The following MSR1 variants were observed in gnomAD, a reference collection of about 807,000 sequenced individuals.
The protein encoded by MSR1 is macrophage scavenger receptor types I and II.
A neutral mutation model predicts 47.2 loss-of-function variants in MSR1; 53 were observed. The observed-to-expected ratio is 1.12, with a 90% CI of 0.90 to 1.41. The LOEUF is 1.41. Among genes scored for constraint, MSR1 ranks in the 40% most tolerant of loss-of-function variants. MSR1 has a pLI of 0.00. For synonymous variants in MSR1, 239 were observed against 185.6 expected, an observed-to-expected ratio of 1.29 and a Z score of -2.34; for missense variants, 786 against 546.9, an observed-to-expected ratio of 1.44 and a Z score of -4.36.
intron 9 of MSR1, among the ~76,000 whole-genome samples, chr8:16,116,701 A>G (rs1043238876): frequency 1.3e-5 from 2 of 152,152 alleles, no homozygotes; most frequent in African/African-American, 4.8e-5. Flanking sequence ...AGCAGGAATG[A>G]ATAAAAGTTT....
intron 5 of MSR1, among the ~76,000 whole-genome samples, chr8:16,155,433 G>A (rs1396033703): frequency 6.6e-6 from 1 of 151,994 alleles, no homozygotes; most frequent in Non-Finnish European, 1.5e-5. Context: ...GCAGAGAAAA[G>A]ACAGCAGGCT....
At chr8:16,179,375 G>C (rs1370221897) in intron 1 of MSR1, among the ~76,000 whole-genome samples, 1 of 152,124 alleles carries the variant, frequency 6.6e-6, no homozygotes, top group Non-Finnish European at 1.5e-5. Flanking sequence ...AAATCCATTA[G>C]AGAACATAGT....
chr8:16,121,845 ACTT>A (rs1212158889), intron 8 of MSR1, among the ~76,000 whole-genome samples: 8 of 151,438 alleles, frequency 5.3e-5, no homozygotes, highest in African/African-American at 2.0e-4. Flanking sequence ...ATATTCAGTA[ACTT>A]CTTTTTCTCC....
chr8:16,157,028 G>A (rs949809130), intron 5 of MSR1, among the ~76,000 whole-genome samples: 1 of 151,958 alleles, frequency 6.6e-6, no homozygotes, highest in African/African-American at 2.4e-5. Context: ...CCTGAATTTT[G>A]TTGAGCTAAT....
At chr8:16,116,527 C>A (rs1302475875) in intron 9 of MSR1, among the ~76,000 whole-genome samples, 1 of 152,098 alleles carries the variant, frequency 6.6e-6, no homozygotes, top group African/African-American at 2.4e-5. Context: ...AGAGACTTAT[C>A]TCCACATAGC....
At chr8:16,130,928 G>A (rs1452730870) in intron 8 of MSR1, among the ~76,000 whole-genome samples, 2 of 152,072 alleles carry the variant, frequency 1.3e-5, no homozygotes, top group African/African-American at 4.8e-5. Context: ...TGTGAATAGT[G>A]CTGTGATGAA....
At chr8:16,126,960 A>G (rs1800143135) in intron 8 of MSR1, among the ~76,000 whole-genome samples, 1 of 152,180 alleles carries the variant, frequency 6.6e-6, no homozygotes, top group Non-Finnish European at 1.5e-5. Context: ...AGGTATATAA[A>G]GTGCTTTTCA....
intron 1 of MSR1, among the ~76,000 whole-genome samples, chr8:16,191,654 C>A (rs923869559): frequency 1.3e-5 from 2 of 152,086 alleles, no homozygotes; most frequent in African/African-American, 4.8e-5. Flanking sequence ...AACTAGGGAG[C>A]AGGGGAGCTG....
At chr8:16,159,060 C>A (rs1440693640) in intron 5 of MSR1, among the ~76,000 whole-genome samples, 1 of 151,116 alleles carries the variant, frequency 6.6e-6, no homozygotes, top group Non-Finnish European at 1.5e-5. Context: ...TCTCAGCCTC[C>A]CAAAGCGCTG....
intron 7 of MSR1, among the ~76,000 whole-genome samples, chr8:16,146,573 A>G (rs1800704957): frequency 6.6e-6 from 1 of 152,080 alleles, no homozygotes; most frequent in South Asian, 2.1e-4. Context: ...CCACAGCAGC[A>G]GGTGCAAAGG....
intron 8 of MSR1, among the ~76,000 whole-genome samples, chr8:16,129,126 T>C (rs1373227891): frequency 1.3e-5 from 2 of 152,168 alleles, no homozygotes; most frequent in Non-Finnish European, 2.9e-5. Context: ...AAACTGAATA[T>C]TTGTATGCAG....
rs183418179 is a variant in MSR1 at position 16,160,930 on chromosome 8, G to A, written c.817+3135C>T. On this transcript the variant is annotated intron_variant, in intron 5 of 9. Coordinates refer to ENST00000262101, the MANE Select transcript of MSR1 (RefSeq NM_138715.3). ...GTTTAGATTTTATCCCAAGACTAATGAGAAGACATTGGAGGATTTAAGCAA... is the reference window on the plus strand; with the variant it reads ...GTTTAGATTTTATCCCAAGACTAATAAGAAGACATTGGAGGATTTAAGCAA... Among the ~76,000 whole-genome samples the A allele has an allele frequency of 2.3e-3, 349 of 151,738 alleles. 2 individuals are homozygous for A. The highest frequency in any genetic ancestry group is 7.5e-3 in the African/African-American group (311 of 41,442).
intron 5 of MSR1, among the ~76,000 whole-genome samples, chr8:16,160,699 C>T (rs896623833): frequency 2.0e-5 from 3 of 151,856 alleles, no homozygotes; most frequent in Non-Finnish European, 4.4e-5. Context: ...GGAGTAGAGA[C>T]GTAGAGAAGA....
intron 8 of MSR1, among the ~76,000 whole-genome samples, chr8:16,132,277 T>G (rs1009551454): frequency 1.1e-4 from 17 of 152,094 alleles, no homozygotes; most frequent in Admixed American, 9.8e-4. Flanking sequence ...ATTCCTGATT[T>G]GGCTCTCAGC....
chr8:16,123,401 G>C (rs12114885), intron 8 of MSR1, among the ~76,000 whole-genome samples: 15,850 of 152,082 alleles, frequency 0.1, 1,269 homozygotes, highest in East Asian at 0.23. Context: ...TTGATCATAG[G>C]ATTTTCTCTG....
intron 1 of MSR1, among the ~76,000 whole-genome samples, chr8:16,181,967 T>G (rs1233744105): frequency 6.6e-6 from 1 of 152,186 alleles, no homozygotes; most frequent in South Asian, 2.1e-4. Context: ...AGATACGTTC[T>G]GAGAAATGCA....
At position 16,150,262 on chromosome 8, in the gene MSR1, A is replaced by C. The variant is rs1484453493; in HGVS notation, c.948T>G (p.Ser316Arg). ...GDRGAIGFPG[S>R]RGLPGYAGRP... ...TTCCGGCATATCCTGGGAGTCCTCG[A>C]CTTCCAGGAAAGCCAATTGCTCCCC... is the stretch of plus-strand genomic sequence containing the variant. The change falls in exon 7 of 10, where the codon AGT becomes AGG. Residue 316 changes from serine (S) to arginine (R), a missense_variant. Physicochemically the swap from Ser to Arg is moderately radical, Grantham distance 110 (BLOSUM62 -1). Coordinates refer to ENST00000262101, the MANE Select transcript of MSR1 (RefSeq NM_138715.3). The C allele has an allele frequency of 6.4e-7, 1 of 1,567,040 alleles. No homozygotes were observed. Among genetic ancestry groups the C allele is most frequent in the South Asian group, 1.2e-5 (1 of 84,202 alleles).
chr8:16,153,468 C>T (rs1800916262), intron 6 of MSR1, among the ~76,000 whole-genome samples: 1 of 151,774 alleles, frequency 6.6e-6, no homozygotes, highest in African/African-American at 2.4e-5. Context: ...CTGGGTAATG[C>T]CTATTTGTGT....
intron 8 of MSR1, among the ~76,000 whole-genome samples, chr8:16,132,178 T>C (rs1800276322): frequency 6.6e-6 from 1 of 152,126 alleles, no homozygotes; most frequent in Non-Finnish European, 1.5e-5. Context: ...CAGTGGTTTG[T>C]AGTTCTCCTT....
Sources: gnomAD v4.1 joint callset for allele counts (sites outside exome capture counted in the v4.1 genomes callset) on GRCh38, gnomAD v4.1.1 for gene constraint, MANE v1.5 for transcripts, NCBI Gene and HGNC (gene_info 2026-07-23, HGNC 2026-07-21) for gene names.